The following CBARP variants were observed in gnomAD, a reference collection of about 807,000 sequenced individuals.
CBARP encodes the protein CACN subunit beta associated regulatory protein, also known as voltage-dependent calcium channel beta subunit-associated regulatory protein.
CBARP carries 24 observed loss-of-function variants against 36.3 expected under a neutral mutation model. The observed-to-expected ratio is 0.66, with a 90% CI of 0.48 to 0.93. The LOEUF (loss-of-function observed/expected upper bound fraction) is 0.93. Among genes scored for constraint, CBARP ranks in the 40% least tolerant of loss-of-function variants. The probability of loss-of-function intolerance (pLI) is 0.00; values close to 1 mark genes in which losing one functional copy is unlikely to be tolerated. For synonymous variants in CBARP, 586 were observed against 453.2 expected, an observed-to-expected ratio of 1.29 and a Z score of -3.72; for missense variants, 1,146 against 980.4, an observed-to-expected ratio of 1.17 and a Z score of -2.26.
intron 4 of CBARP, 43 bp from the exon 5 acceptor site, chr19:1,235,188 G>A (rs775183684): frequency 1.2e-5 from 17 of 1,472,996 alleles, no homozygotes; most frequent in South Asian, 2.6e-5. Context: ...GGCGGGCCAC[G>A]CCAGGCGCCT....
Position 1,234,190 on chromosome 19 carries a change from C to A in CBARP, c.768+1G>T, listed in dbSNP as rs1207398484. 4.6e-6 allele frequency: 7 copies of A among 1,516,804 alleles called. No individual in the cohort carries two copies. Among genetic ancestry groups the A allele is most frequent in the Non-Finnish European group, 5.3e-6 (6 of 1,137,302 alleles). 94.0% of individuals were successfully genotyped at this position (1,516,804 alleles called of 1,614,324 possible). On this transcript the variant is annotated splice_donor_variant, in intron 7 of 9. Coordinates refer to ENST00000650044, the MANE Select transcript of CBARP (RefSeq NM_001393918.1). LOFTEE classifies it high-confidence loss of function. Reference sequence around the variant, plus strand: ...CATGGGGGACACGCAGGGGCCCTCACCGAGGTGCCTTCCCCAGAGTCGCTA... The same window carrying A: ...CATGGGGGACACGCAGGGGCCCTCAACGAGGTGCCTTCCCCAGAGTCGCTA...
chr19:1,234,896 G>GCCT, intron 5 of CBARP, 105 bp downstream of exon 5: 1 of 1,505,718 alleles, frequency 6.6e-7, no homozygotes, highest in Non-Finnish European at 8.9e-7. Context: ...CAGTCCAGGA[G>GCCT]CCTCTGCCTT....
At chr19:1,234,948 C>A in intron 5 of CBARP, 53 bp downstream of exon 5, 3 of 1,562,592 alleles carry the variant, frequency 1.9e-6, no homozygotes, top group Non-Finnish European at 2.6e-6. Context: ...CCCGTCCCGG[C>A]GGCCAGGACC....
chr19:1,234,921 C>T lies in CBARP; in HGVS notation c.455+80G>A, dbSNP rs1255617676. The T allele has an allele frequency of 2.6e-6, 4 of 1,529,794 alleles. No individual in the cohort carries two copies. The Admixed American group carries it at 7.5e-5, about 29-fold the overall frequency. The allele number at this position is 1,529,794 out of a possible 1,614,324, so 94.8% of individuals were successfully genotyped here. A position where few individuals can be genotyped will look rare whatever the true frequency, so the allele number is the denominator to read the frequency against. ...GCCTCTGCCTTGGTCCCTGCAGCCTCCGCACCCAGCTCCTCCCCCGTCCCG... is the reference window on the plus strand; with the variant it reads ...GCCTCTGCCTTGGTCCCTGCAGCCTTCGCACCCAGCTCCTCCCCCGTCCCG... On this transcript the variant is annotated intron_variant, in intron 5 of 9. Transcript: ENST00000650044.
chr19:1,233,980 G>A (rs1304985104), intron 7 of CBARP, among the ~76,000 whole-genome samples: 2 of 152,218 alleles, frequency 1.3e-5, no homozygotes, highest in African/African-American at 4.8e-5. Flanking sequence ...AATGAGGTGG[G>A]AGCCTGGGGT....
intron 9 of CBARP, chr19:1,230,403 C>G (rs1020569790): frequency 2.0e-6 from 2 of 987,886 alleles, no homozygotes; most frequent in African/African-American, 3.5e-5. Flanking sequence ...CCTTGGAAGC[C>G]CCCAGGAAAA....
At chr19:1,231,333 AC>A in intron 8 of CBARP, 58 bp from the exon 9 acceptor site, 2 of 1,554,298 alleles carry the variant, frequency 1.3e-6, no homozygotes, top group Non-Finnish European at 1.7e-6. Context: ...CGCTCCACAC[AC>A]ACACAGAATG....
intron 1 of CBARP, among the ~76,000 whole-genome samples, chr19:1,236,852 G>A (rs989550288): frequency 3.9e-5 from 5 of 127,252 alleles, no homozygotes; most frequent in Non-Finnish European, 6.8e-5. Flanking sequence ...GCGGCGGCCT[G>A]GGGGGGGGCG....
At chr19:1,233,179 G>A (rs1001807842) in intron 8 of CBARP, among the ~76,000 whole-genome samples, 1 of 152,210 alleles carries the variant, frequency 6.6e-6, no homozygotes, top group African/African-American at 2.4e-5. Context: ...GTCGGGGCGC[G>A]CAAAGCCTTC....
At chr19:1,233,719 GAC>G in intron 7 of CBARP, 83 bp from the exon 8 acceptor site, 1 of 1,344,914 alleles carries the variant, frequency 7.4e-7, no homozygotes, top group South Asian at 1.4e-5. Flanking sequence ...AGGTCTGAGA[GAC>G]AGTCCCAAGG....
chr19:1,230,557 G>A, intron 9 of CBARP: 5 of 1,090,882 alleles, frequency 4.6e-6, no homozygotes, highest in Non-Finnish European at 4.5e-6. Context: ...TGGATAACCA[G>A]CAGGAGGACA....
chr19:1,230,802 G>A, intron 9 of CBARP: 6 of 1,455,952 alleles, frequency 4.1e-6, no homozygotes, highest in Non-Finnish European at 5.4e-6. Flanking sequence ...TGGGACCACA[G>A]CAGAACCCTT....
rs529650738 is a variant in CBARP at position 1,229,818 on chromosome 19, G to A, written c.1479C>T (p.Gly493=). ...CCATCTGCAGCAGCCGGCGCGCCTC[G>A]CCGTCCTTGGGCCGCGGCGCGGGCG... ...PSPPAPRPKD[G]EARRLLQMDS... The change falls in exon 10 of 10, where the codon GGC becomes GGT. Residue 493 remains glycine, a synonymous_variant. Coordinates refer to ENST00000650044, the MANE Select transcript of CBARP (RefSeq NM_001393918.1). The surrounding 1 kb of genome is among the most constrained non-coding windows in gnomAD (Gnocchi z 5.1). 43 of 990,104 alleles carry A rather than the reference G, an allele frequency of 4.3e-5. No individual in the cohort carries two copies. The highest frequency in any genetic ancestry group is 1.0e-3 in the Middle Eastern group (2 of 1,968). The allele number at this position is 990,104 out of a possible 1,614,324, so 61.3% of individuals were successfully genotyped here. A position where few individuals can be genotyped will look rare whatever the true frequency, so the allele number is the denominator to read the frequency against.
At chr19:1,234,853 G>A (rs779767054) in intron 5 of CBARP, 111 bp from the exon 6 acceptor site, 8 of 1,510,290 alleles carry the variant, frequency 5.3e-6, no homozygotes, top group Non-Finnish European at 7.1e-6. Flanking sequence ...CGAAAGGGGG[G>A]CAACTGGCCA....
intron 8 of CBARP, among the ~76,000 whole-genome samples, chr19:1,231,917 A>T (rs1352568825): frequency 2.0e-5 from 3 of 152,050 alleles, no homozygotes; most frequent in African/African-American, 7.2e-5. Context: ...CCTGGTCAAC[A>T]TGTGGCCACT....
chr19:1,236,891 G>T (rs929610436), intron 1 of CBARP, among the ~76,000 whole-genome samples: 6 of 149,870 alleles, frequency 4.0e-5, no homozygotes, highest in Non-Finnish European at 8.9e-5. Flanking sequence ...GCGCGAAGCC[G>T]CAAGATGGCC....
rs566040007 is a variant in CBARP at position 1,235,149 on chromosome 19, C to T, written c.311-4G>A. 10 of 1,567,142 alleles carry T rather than the reference C, an allele frequency of 6.4e-6. No individual in the cohort carries two copies. Among genetic ancestry groups the T allele is most frequent in the Admixed American group, 1.8e-5 (1 of 54,640 alleles). On this transcript the variant is annotated splice_polypyrimidine_tract_variant and splice_region_variant and intron_variant, in intron 4 of 9. Transcript: ENST00000650044. ...TCCTCTCCCCGGAAGTCGGGGTCTG[C>T]GTGGAGAGGCAGGAGAGGGTGGGCC...
In CBARP at chr19:1,234,180, G is replaced by A; in HGVS notation, c.768+11C>T. The A allele has an allele frequency of 6.6e-7, 1 of 1,510,984 alleles. No individual in the cohort carries two copies. The highest frequency in any genetic ancestry group is 8.8e-7 in the Non-Finnish European group (1 of 1,134,310). The allele number at this position is 1,510,984 out of a possible 1,614,324, so 93.6% of individuals were successfully genotyped here. On this transcript the variant is annotated intron_variant, in intron 7 of 9. Transcript: ENST00000650044. ...CTGTGGACACCATGGGGGACACGCA[G>A]GGGCCCTCACCGAGGTGCCTTCCCC...
rs1261456634 is a variant in CBARP at position 1,230,058 on chromosome 19, C to T, written c.1239G>A (p.Gln413=). 1.7e-6 allele frequency: 2 copies of T among 1,208,998 alleles called. No individual in the cohort carries two copies. Among genetic ancestry groups the T allele is most frequent in the Middle Eastern group, 3.5e-4 (1 of 2,854 alleles). The allele number at this position is 1,208,998 out of a possible 1,614,324, so 74.9% of individuals were successfully genotyped here. ...CGGCGTCCGGCTCCAGTGGCGGCTG[C>T]TGCTGCTCAGGCCCCGCGCTGCCCG... ...RGAGSAGPEQ[Q]QPPLEPDAER... Residue 413 remains glutamine, a synonymous_variant, in exon 10 of 10, where the codon CAG becomes CAA. Transcript: ENST00000650044.
Sources: gnomAD v4.1 joint callset for allele counts (sites outside exome capture counted in the v4.1 genomes callset) on GRCh38, gnomAD v4.1.1 for gene constraint, Gnocchi (gnomAD v3.1) non-coding constraint, MANE v1.5 for transcripts, NCBI Gene and HGNC (gene_info 2026-07-23, HGNC 2026-07-21) for gene names.